Variants in GRM5 observed in about 807,000 individuals in gnomAD.
GRM5 encodes the protein glutamate metabotropic receptor 5.
In GRM5, 19 loss-of-function variants were observed where a neutral mutation model predicts 83.1. The observed-to-expected ratio is 0.23, with a 90% CI of 0.16 to 0.34. The LOEUF (loss-of-function observed/expected upper bound fraction) is 0.34. Among genes scored for constraint, GRM5 ranks in the 10% least tolerant of loss-of-function variants. The probability of loss-of-function intolerance (pLI) is 1.00; values close to 1 mark genes in which losing one functional copy is unlikely to be tolerated. For synonymous variants in GRM5, 675 were observed against 633.6 expected (o/e 1.07, Z -0.98); for missense variants, 1,160 against 1,588.3 (o/e 0.73, Z 4.58).
chr11:88,509,585 C>G (rs1941306509), intron 9 of GRM5, 81 bp from the exon 10 acceptor site: 7 of 999,282 alleles, frequency 7.0e-6, no homozygotes, highest in Non-Finnish European at 1.1e-5. Flanking sequence ...GGTGGTTGCT[C>G]ATGGGCCCCG....
At chr11:88,843,396 A>T (rs1030476521) in intron 3 of GRM5, among the ~76,000 whole-genome samples, 6 of 152,212 alleles carry the variant, frequency 3.9e-5, no homozygotes, top group South Asian at 4.1e-4. Flanking sequence ...CACCTCAGAC[A>T]TTTATTATTT....
At chr11:88,995,191 A>G (rs561848516) in intron 2 of GRM5, among the ~76,000 whole-genome samples, 17 of 152,248 alleles carry the variant, frequency 1.1e-4, no homozygotes, top group African/African-American at 4.1e-4. Context: ...ATGTAACAAG[A>G]TATGAAATAA....
chr11:88,696,084 C>T (rs2135366067), intron 3 of GRM5, among the ~76,000 whole-genome samples: 1 of 152,212 alleles, frequency 6.6e-6, no homozygotes, highest in East Asian at 1.9e-4. Context: ...AGGATAGATA[C>T]AAAGTTTTAT....
intron 2 of GRM5, among the ~76,000 whole-genome samples, chr11:89,042,559 A>C (rs1185534380): frequency 6.6e-6 from 1 of 152,194 alleles, no homozygotes; most frequent in African/African-American, 2.4e-5. Context: ...TGATCATCCC[A>C]AAATTTGTTT....
chr11:89,010,883 G>C (rs972531198), intron 2 of GRM5, among the ~76,000 whole-genome samples: 3 of 152,074 alleles, frequency 2.0e-5, no homozygotes, highest in Non-Finnish European at 2.9e-5. Flanking sequence ...GCAGAGGATG[G>C]CACATGATTA....
chr11:88,547,386 A>G (rs1162499642), intron 8 of GRM5, among the ~76,000 whole-genome samples: 1 of 152,186 alleles, frequency 6.6e-6, no homozygotes, highest in Non-Finnish European at 1.5e-5. Flanking sequence ...TCCAAAGAAG[A>G]GAACAAAAGT....
intron 3 of GRM5, among the ~76,000 whole-genome samples, chr11:88,826,837 G>A (rs1288586770): frequency 2.6e-5 from 4 of 152,132 alleles, no homozygotes; most frequent in African/African-American, 4.8e-5. Context: ...TCCCATAGGA[G>A]TGGTAATCAC....
rs1309951826 is a variant in GRM5 at position 88,631,291 on chromosome 11, G to T, written c.1147+21877C>A. On this transcript the variant is annotated intron_variant, in intron 4 of 9. Coordinates refer to ENST00000305447, the MANE Select transcript of GRM5 (RefSeq NM_001143831.3). ...AAGAATAAGGTTATGAATAGGCAGA[G>T]GAAACATCTGTTTTTTGTTTTTATA... Among the ~76,000 whole-genome samples, 4 of 152,074 alleles carry T rather than the reference G, an allele frequency of 2.6e-5. No homozygotes were observed. In the East Asian group the frequency reaches 7.7e-4, roughly 29 times the overall value.
intron 3 of GRM5, among the ~76,000 whole-genome samples, chr11:88,731,368 G>A (rs1309511389): frequency 6.6e-6 from 1 of 151,992 alleles, no homozygotes; most frequent in African/African-American, 2.4e-5. Context: ...CCCATTGCCT[G>A]ACAAATCACC....
intron 2 of GRM5, among the ~76,000 whole-genome samples, chr11:88,962,521 CATTT>C (rs1340176045): frequency 6.6e-6 from 1 of 152,084 alleles, no homozygotes; most frequent in Non-Finnish European, 1.5e-5. Context: ...TTGATTTATT[CATTT>C]AGTCACTGAT....
At chr11:88,999,411 T>C (rs577163461) in intron 2 of GRM5, among the ~76,000 whole-genome samples, 396 of 151,904 alleles carry the variant, frequency 2.6e-3, no homozygotes, top group African/African-American at 9.3e-3. Context: ...AACAACTCCA[T>C]CAAAAAGTGG....
chr11:88,566,799 C>T (rs999883648), intron 8 of GRM5, among the ~76,000 whole-genome samples: 10 of 152,088 alleles, frequency 6.6e-5, no homozygotes, highest in African/African-American at 2.4e-4. Context: ...GCCCTCTCAA[C>T]CTCACTCCCC....
intron 2 of GRM5, among the ~76,000 whole-genome samples, chr11:89,024,254 CT>C (rs1941073058): frequency 6.6e-6 from 1 of 152,180 alleles, no homozygotes; most frequent in African/African-American, 2.4e-5. Context: ...TACCAAGTAT[CT>C]TTTTTAATCC....
At chr11:88,528,863 A>T (rs1401630361) in intron 8 of GRM5, among the ~76,000 whole-genome samples, 1 of 152,066 alleles carries the variant, frequency 6.6e-6, no homozygotes, top group African/African-American at 2.4e-5. Context: ...GACACTGAAG[A>T]TCAGTGTCAG....
chr11:88,701,068 C>A (rs1239060000), intron 3 of GRM5, among the ~76,000 whole-genome samples: 1 of 152,106 alleles, frequency 6.6e-6, no homozygotes, highest in Non-Finnish European at 1.5e-5. Flanking sequence ...TCCAGAGGTC[C>A]TGCTTCCCAA....
At chr11:88,941,225 T>C (rs1403822333) in intron 2 of GRM5, among the ~76,000 whole-genome samples, 1 of 151,542 alleles carries the variant, frequency 6.6e-6, no homozygotes, top group Non-Finnish European at 1.5e-5. Context: ...ATGCTCAAAG[T>C]CTAATGGGGA....
chr11:88,744,091 A>G (rs1942083620), intron 3 of GRM5, among the ~76,000 whole-genome samples: 1 of 152,206 alleles, frequency 6.6e-6, no homozygotes, highest in South Asian at 2.1e-4. Flanking sequence ...GGGCAGATTA[A>G]TCATATACCT....
intron 2 of GRM5, among the ~76,000 whole-genome samples, chr11:88,864,688 C>T (rs940556112): frequency 3.9e-5 from 6 of 151,952 alleles, no homozygotes; most frequent in Non-Finnish European, 5.9e-5. Flanking sequence ...TTACCCTGGC[C>T]AGAACTTCCA....
chr11:88,982,814 C>G (rs1300145248), intron 2 of GRM5, among the ~76,000 whole-genome samples: 1 of 152,140 alleles, frequency 6.6e-6, no homozygotes, highest in African/African-American at 2.4e-5. Flanking sequence ...TGCCTTTAAT[C>G]CCAGCATTTT....
Sources: allele counts gnomAD v4.1 joint callset (sites outside exome capture counted in the v4.1 genomes callset), GRCh38; gene constraint gnomAD v4.1.1; transcripts MANE v1.5; gene names NCBI Gene and HGNC (gene_info 2026-07-23, HGNC 2026-07-21).